Variants in ZNF79 observed in about 807,000 individuals in gnomAD.
ZNF79 encodes the protein ZNFpT7.
In ZNF79, 13 loss-of-function variants were observed where a neutral mutation model predicts 14.9. The ratio of observed to expected loss-of-function variants is 0.87; its 90% CI spans 0.57 to 1.38. ZNF79 has a LOEUF of 1.38. Ranked by LOEUF, ZNF79 falls within the 40% of genes most tolerant of loss-of-function variation. The pLI is 0.00. For missense variants in ZNF79, 631 were observed against 630.6 expected (o/e 1.00, Z -0.01); for synonymous variants, 223 against 235.1 (o/e 0.95, Z 0.47).
intron 1 of ZNF79, among the ~76,000 whole-genome samples, chr9:127,427,989 C>CT (rs1018259339): frequency 1.3e-4 from 20 of 151,392 alleles, no homozygotes; most frequent in Admixed American, 5.3e-4. Context: ...ACCCCTTTTT[C>CT]TTTTTTTTTG....
chr9:127,440,367 A>G (rs760298895), intron 4 of ZNF79, among the ~76,000 whole-genome samples: 7 of 152,098 alleles, frequency 4.6e-5, no homozygotes, highest in Admixed American at 3.9e-4. Flanking sequence ...GACCTAGGAG[A>G]GGAACATTCT....
chr9:127,437,961 A>G (rs1833978807), intron 4 of ZNF79, among the ~76,000 whole-genome samples: 1 of 152,114 alleles, frequency 6.6e-6, no homozygotes, highest in Admixed American at 6.5e-5. Flanking sequence ...AAATCACCAC[A>G]TCGTTAGAAA....
intron 2 of ZNF79, among the ~76,000 whole-genome samples, chr9:127,432,166 T>G (rs1833871602): frequency 6.6e-6 from 1 of 151,318 alleles, no homozygotes; most frequent in Non-Finnish European, 1.5e-5. Context: ...TTTTTTTTTT[T>G]TTTGATGGAG....
At chr9:127,431,679 T>C (rs941228884) in intron 2 of ZNF79, among the ~76,000 whole-genome samples, 2 of 152,216 alleles carry the variant, frequency 1.3e-5, no homozygotes, top group African/African-American at 4.8e-5. Context: ...GAAGGGTATT[T>C]CCTTGGTTTT....
intron 2 of ZNF79, among the ~76,000 whole-genome samples, chr9:127,431,003 GT>G (rs978837461): frequency 2.0e-5 from 3 of 152,062 alleles, no homozygotes; most frequent in African/African-American, 4.8e-5. Flanking sequence ...TCTCGTCATG[GT>G]TTTGATTTGC....
chr9:127,429,973 C>T (rs1320079649), intron 2 of ZNF79, among the ~76,000 whole-genome samples: 10 of 151,922 alleles, frequency 6.6e-5, no homozygotes, highest in African/African-American at 4.8e-5. Context: ...CGCCCTACCA[C>T]GCCCAGCTAA....
chr9:127,425,749 A>G (rs573772518), intron 1 of ZNF79, among the ~76,000 whole-genome samples: 1 of 152,178 alleles, frequency 6.6e-6, no homozygotes, highest in South Asian at 2.1e-4. Flanking sequence ...CCCGACACCA[A>G]GTCCAGCTAA....
At chr9:127,430,007 G>C (rs140116713) in intron 2 of ZNF79, among the ~76,000 whole-genome samples, 2 of 151,866 alleles carry the variant, frequency 1.3e-5, no homozygotes, top group Non-Finnish European at 2.9e-5. Flanking sequence ...AGTAGAGATG[G>C]GGTTCACCAT....
At position 127,436,005 on chromosome 9, in the gene ZNF79, T is replaced by A; in HGVS notation, c.328+2T>A. ...AAGACCTGCGAAGTCCCTCTCCAGG[T>A]ATGTGAGCAAGCACTTAGCCAGTGG... is the stretch of plus-strand genomic sequence containing the variant. On this transcript the variant is annotated splice_donor_variant, in intron 4 of 4. Coordinates refer to ENST00000342483, the MANE Select transcript of ZNF79 (RefSeq NM_007135.3). LOFTEE classifies it high-confidence loss of function. The A allele has an allele frequency of 1.9e-6, 3 of 1,613,938 alleles. No homozygotes were observed. The highest frequency in any genetic ancestry group is 2.5e-6 in the Non-Finnish European group (3 of 1,179,818).
intron 4 of ZNF79, among the ~76,000 whole-genome samples, chr9:127,440,464 G>A (rs923815439): frequency 6.6e-6 from 1 of 152,174 alleles, no homozygotes; most frequent in Non-Finnish European, 1.5e-5. Flanking sequence ...TAGTAAACAC[G>A]AGGAAGAGTG....
At chr9:127,424,870 CTG>C in intron 1 of ZNF79, 67 bp downstream of exon 1, 2 of 1,607,922 alleles carry the variant, frequency 1.2e-6, no homozygotes, top group Non-Finnish European at 1.7e-6. Flanking sequence ...ACGACTGCCG[CTG>C]TGTGAGCCGA....
intron 4 of ZNF79, among the ~76,000 whole-genome samples, chr9:127,442,222 G>A (rs1368471674): frequency 2.6e-5 from 4 of 151,232 alleles, no homozygotes; most frequent in Admixed American, 2.6e-4. Flanking sequence ...CCAACATGGT[G>A]AAACCCTGTC....
intron 1 of ZNF79, among the ~76,000 whole-genome samples, chr9:127,426,774 T>G (rs1462663631): frequency 6.6e-6 from 1 of 152,224 alleles, no homozygotes; most frequent in Non-Finnish European, 1.5e-5. Flanking sequence ...CTTCAGTGAA[T>G]TTTTGTGTGT....
At chr9:127,438,014 G>C (rs1833979446) in intron 4 of ZNF79, among the ~76,000 whole-genome samples, 1 of 152,156 alleles carries the variant, frequency 6.6e-6, no homozygotes, top group Non-Finnish European at 1.5e-5. Context: ...GGTGCTCTGA[G>C]GCAGCAGTGT....
In ZNF79 at chr9:127,444,029, G is replaced by A. The variant is rs757671212; in HGVS notation, c.329G>A (p.Gly110Asp). 9 of 1,565,252 alleles carry A rather than the reference G, an allele frequency of 5.7e-6. No individual in the cohort carries two copies. The highest frequency in any genetic ancestry group is 7.8e-6 in the Non-Finnish European group (9 of 1,157,012). Reference sequence around the variant, plus strand: ...CAACAGCTTTTCATTTTTTTTTCAGGCTGGAAGATTATATCTGGATCACCA... The same window carrying A: ...CAACAGCTTTTCATTTTTTTTTCAGACTGGAAGATTATATCTGGATCACCA... ...EGEDLRSPSP[G>D]WKIISGSPPE... Residue 110 changes from glycine to aspartate, a missense_variant and splice_region_variant, in exon 5 of 5, where the codon GGC becomes GAC. Physicochemically the swap from Gly to Asp is moderately conservative, Grantham distance 94. Coordinates refer to ENST00000342483, the MANE Select transcript of ZNF79 (RefSeq NM_007135.3).
At chr9:127,439,019 C>T (rs1004602474) in intron 4 of ZNF79, among the ~76,000 whole-genome samples, 1 of 151,546 alleles carries the variant, frequency 6.6e-6, no homozygotes, top group Non-Finnish European at 1.5e-5. Context: ...GGCTGAGGCA[C>T]GAGAATCGCT....
intron 1 of ZNF79, 142 bp from the exon 2 acceptor site, chr9:127,428,690 G>A: frequency 1.6e-6 from 2 of 1,254,312 alleles, no homozygotes; most frequent in Non-Finnish European, 1.0e-6. Context: ...GAGGTAGGAG[G>A]GAATGGAGAA....
intron 4 of ZNF79, among the ~76,000 whole-genome samples, chr9:127,438,892 C>G (rs1833996700): frequency 6.6e-6 from 1 of 152,142 alleles, no homozygotes. Context: ...GGGCAGATCA[C>G]CCGAGGTCAG....
chr9:127,429,010 T>C, intron 2 of ZNF79, 90 bp downstream of exon 2: 2 of 890,844 alleles, frequency 2.2e-6, no homozygotes, highest in South Asian at 4.7e-5. Flanking sequence ...TCATTGTTTG[T>C]TTTCTTTCTT....
Sources: gnomAD v4.1 joint callset for allele counts (sites outside exome capture counted in the v4.1 genomes callset) on GRCh38, gnomAD v4.1.1 for gene constraint, MANE v1.5 for transcripts, NCBI Gene and HGNC (gene_info 2026-07-23, HGNC 2026-07-21) for gene names.